PTPRD: variants seen among roughly 807,000 people sequenced by gnomAD.
PTPRD encodes the protein protein tyrosine phosphatase receptor type D, also known as receptor-type tyrosine-protein phosphatase delta.
PTPRD carries 34 observed loss-of-function variants against 214.5 expected under a neutral mutation model. That is an observed-to-expected ratio of 0.16 (90% CI 0.12 to 0.21). The LOEUF (loss-of-function observed/expected upper bound fraction) is 0.21. Ranked by LOEUF, PTPRD falls within the 10% of genes least tolerant of loss-of-function variation. The pLI, the probability that PTPRD is intolerant of heterozygous loss-of-function variation, is 1.00. For synonymous variants in PTPRD, 1,128 were observed against 845.7 expected (o/e 1.33, Z -5.79); for missense variants, 2,545 against 2,398.7 (o/e 1.06, Z -1.27).
At chr9:10,547,708 T>C (rs2060458816) in intron 2 of PTPRD, among the ~76,000 whole-genome samples, 1 of 151,910 alleles carries the variant, frequency 6.6e-6, no homozygotes, top group African/African-American at 2.4e-5. Context: ...GTTATATATA[T>C]ATATATAAGT....
intron 11 of PTPRD, among the ~76,000 whole-genome samples, chr9:8,788,400 C>T (rs1180551272): frequency 1.3e-5 from 2 of 151,516 alleles, no homozygotes; most frequent in Admixed American, 6.6e-5. Flanking sequence ...CTCAGCCTCC[C>T]GAGTAGCTGG....
rs141558067 is a variant in PTPRD, at chr9:10,083,274, G to A, written c.-544-49484C>T. Among the ~76,000 whole-genome samples, 122 of 151,778 alleles carry A rather than the reference G, an allele frequency of 8.0e-4. 3 individuals are homozygous for A. In the South Asian group the frequency reaches 0.021, roughly 27 times the overall value. On this transcript the variant is annotated intron_variant, in intron 3 of 45. Coordinates refer to ENST00000381196, the MANE Select transcript of PTPRD (RefSeq NM_002839.4). ...TGTCTTTTTACATCATATTAAATTC[G>A]GTCTCCATTTGGATTAGAAGTCCTT...
At chr9:9,563,517 C>A (rs984202134) in intron 8 of PTPRD, among the ~76,000 whole-genome samples, 7 of 152,078 alleles carry the variant, frequency 4.6e-5, no homozygotes, top group African/African-American at 1.7e-4. Context: ...ACTGTGATTG[C>A]TGAAGAATAG....
At chr9:10,012,006 A>G (rs2096610295) in intron 4 of PTPRD, among the ~76,000 whole-genome samples, 1 of 151,958 alleles carries the variant, frequency 6.6e-6, no homozygotes, top group African/African-American at 2.4e-5. Context: ...TTATCACATT[A>G]AATCCTTCTT....
At chr9:8,619,256 T>C (rs73425421) in intron 14 of PTPRD, among the ~76,000 whole-genome samples, 325 of 152,148 alleles carry the variant, frequency 2.1e-3, no homozygotes, top group African/African-American at 7.6e-3. Context: ...CAAAACATTA[T>C]GAACTATAGT....
In PTPRD at chr9:9,304,847, G is replaced by A. The variant is rs141866508; in HGVS notation, c.-203+92602C>T. ...TAATCTCCACCCTCCAACGTTCTTG[G>A]TGTCCTTGCATCCAAGGCCCTTCTC... On this transcript the variant is annotated intron_variant, in intron 9 of 45. Transcript: ENST00000381196. Among the ~76,000 whole-genome samples the A allele has an allele frequency of 1.7e-3, 254 of 150,604 alleles. 1 individual carries two copies. The highest frequency in any genetic ancestry group is 5.9e-3 in the African/African-American group (242 of 40,910).
chr9:9,154,543 G>A (rs866486462), intron 10 of PTPRD, among the ~76,000 whole-genome samples: 5 of 152,028 alleles, frequency 3.3e-5, no homozygotes, highest in Admixed American at 1.3e-4. Context: ...CCACCATTAC[G>A]ACCTCATTTA....
At chr9:8,328,052 C>A (rs1587664631) in intron 44 of PTPRD, among the ~76,000 whole-genome samples, 1 of 152,106 alleles carries the variant, frequency 6.6e-6, no homozygotes, top group African/African-American at 2.4e-5. Context: ...TGAATTTGAT[C>A]CTGTCATTAT....
chr9:9,324,471 G>C (rs182032403), intron 9 of PTPRD, among the ~76,000 whole-genome samples: 17 of 152,162 alleles, frequency 1.1e-4, no homozygotes, highest in Admixed American at 3.9e-4. Flanking sequence ...TGTGTCTGTT[G>C]GCTGCATAAA....
intron 11 of PTPRD, among the ~76,000 whole-genome samples, chr9:8,967,713 T>C (rs1439695924): frequency 6.6e-6 from 1 of 152,158 alleles, no homozygotes; most frequent in Non-Finnish European, 1.5e-5. Flanking sequence ...CGTATGTTAT[T>C]TATCATAACA....
intron 11 of PTPRD, among the ~76,000 whole-genome samples, chr9:8,972,205 C>T (rs1019398401): frequency 4.0e-5 from 6 of 151,802 alleles, no homozygotes; most frequent in East Asian, 1.9e-4. Flanking sequence ...CTTTCTCTTT[C>T]AGTAGACTAA....
At chr9:10,447,008 A>G (rs901545845) in intron 2 of PTPRD, among the ~76,000 whole-genome samples, 1 of 152,182 alleles carries the variant, frequency 6.6e-6, no homozygotes, top group South Asian at 2.1e-4. Flanking sequence ...TGATAAACCT[A>G]GGCACTTCAT....
intron 5 of PTPRD, among the ~76,000 whole-genome samples, chr9:9,873,920 T>A (rs546225470): frequency 6.6e-6 from 1 of 152,106 alleles, no homozygotes; most frequent in South Asian, 2.1e-4. Context: ...AAACAATAGC[T>A]GACGTGTATT....
At chr9:9,724,567 A>T (rs4552966) in intron 7 of PTPRD, among the ~76,000 whole-genome samples, 87,131 of 151,976 alleles carry the variant, frequency 0.57, 26,962 homozygotes, top group African/African-American at 0.78. Context: ...GTCTTTACTC[A>T]ATATTAACAG....
intron 3 of PTPRD, among the ~76,000 whole-genome samples, chr9:10,156,635 G>C (rs550678567): frequency 6.6e-6 from 1 of 152,176 alleles, no homozygotes; most frequent in South Asian, 2.1e-4. Flanking sequence ...GAGTTGTGTA[G>C]ATGTCTATCA....
chr9:9,678,389 G>C (rs1421524254), intron 7 of PTPRD, among the ~76,000 whole-genome samples: 1 of 151,906 alleles, frequency 6.6e-6, no homozygotes, highest in South Asian at 2.1e-4. Context: ...CAATGGAACA[G>C]AACAAAGCCC....
chr9:9,453,477 A>G (rs147365589), intron 8 of PTPRD, among the ~76,000 whole-genome samples: 219 of 151,790 alleles, frequency 1.4e-3, no homozygotes, highest in South Asian at 2.7e-3. Flanking sequence ...GGAAATATTC[A>G]TAGAATAACC....
intron 21 of PTPRD, among the ~76,000 whole-genome samples, chr9:8,510,741 C>T (rs1563953785): frequency 6.6e-6 from 1 of 152,132 alleles, no homozygotes; most frequent in Non-Finnish European, 1.5e-5. Flanking sequence ...AACGATATCA[C>T]TTCCTCAGGG....
At chr9:8,989,775 A>G (rs1169351772) in intron 11 of PTPRD, among the ~76,000 whole-genome samples, 1 of 152,182 alleles carries the variant, frequency 6.6e-6, no homozygotes, top group Non-Finnish European at 1.5e-5. Context: ...TTTATGCTCA[A>G]AAGATAGATA....
Sources: gnomAD v4.1 joint callset for allele counts (sites outside exome capture counted in the v4.1 genomes callset) on GRCh38, gnomAD v4.1.1 for gene constraint, MANE v1.5 for transcripts, NCBI Gene and HGNC (gene_info 2026-07-23, HGNC 2026-07-21) for gene names.